The following PDE6D variants were observed in gnomAD, a reference collection of about 807,000 sequenced individuals.
The protein encoded by PDE6D is phosphodiesterase 6D, also known as retinal rod rhodopsin-sensitive cGMP 3',5'-cyclic phosphodiesterase subunit delta.
A neutral mutation model predicts 21.9 loss-of-function variants in PDE6D; 10 were observed. The ratio of observed to expected loss-of-function variants is 0.46; its 90% CI spans 0.28 to 0.78. The LOEUF is 0.78. PDE6D is among the 30% of genes least tolerant of loss of function. The pLI is 0.12. For missense variants in PDE6D, 139 were observed against 184.8 expected (o/e 0.75, Z 1.44); for synonymous variants, 59 against 63.5 (o/e 0.93, Z 0.34).
At chr2:231,766,784 G>T (rs1334523854) in intron 1 of PDE6D, among the ~76,000 whole-genome samples, 1 of 152,012 alleles carries the variant, frequency 6.6e-6, no homozygotes, top group Non-Finnish European at 1.5e-5. Context: ...TCTGAGGTCA[G>T]GGGGAGTTTG....
At position 231,733,009 on chromosome 2, in the gene PDE6D, CTT is replaced by C. The variant is rs777705791; in HGVS notation, c.394_395del (p.Lys132ValfsTer3). The C allele has an allele frequency of 6.2e-7, 1 of 1,611,390 alleles. No individual in the cohort carries two copies. The highest frequency in any genetic ancestry group is 8.5e-7 in the Non-Finnish European group (1 of 1,177,532). On this transcript the variant is annotated frameshift_variant, in exon 5 of 5. Coordinates refer to ENST00000287600, the MANE Select transcript of PDE6D (RefSeq NM_002601.4). LOFTEE classifies it high-confidence loss of function. ...TTACAAGAAGATCGTCGTCAAAAAA[CTT>C]TGTTTCTATGATAACGTTCCCACTG... ...VLTGNVIIET[K>X]FFDDDLLVST...
Position 231,755,920 on chromosome 2 carries a change from C to CA in PDE6D, c.51-16733dup, listed in dbSNP as rs201479123. On this transcript the variant is annotated intron_variant, in intron 1 of 4. Transcript: ENST00000287600. ...GGGTGACAAGAGCAAAACTCCATCT[C>CA]AAAAAAAAAAAATTATATATATAAA... Among the ~76,000 whole-genome samples the CA allele has an allele frequency of 6.7e-3, 936 of 140,390 alleles. 7 individuals are homozygous for CA. Among genetic ancestry groups the CA allele is most frequent in the African/African-American group, 0.018 (663 of 37,652 alleles). 92.1% of individuals were successfully genotyped at this position (140,390 alleles called of 152,430 possible). A position where few individuals can be genotyped will look rare whatever the true frequency, so the allele number is the denominator to read the frequency against.
intron 1 of PDE6D, among the ~76,000 whole-genome samples, chr2:231,770,816 G>A (rs2049009371): frequency 6.6e-6 from 1 of 152,052 alleles, no homozygotes; most frequent in Non-Finnish European, 1.5e-5. Flanking sequence ...AGCTGGGTGT[G>A]GTGGCAGGCG....
chr2:231,753,684 A>T (rs1384620144), intron 1 of PDE6D, among the ~76,000 whole-genome samples: 1 of 152,206 alleles, frequency 6.6e-6, no homozygotes, highest in Non-Finnish European at 1.5e-5. Flanking sequence ...TTAAATAACA[A>T]ATAAAAAATG....
intron 1 of PDE6D, among the ~76,000 whole-genome samples, chr2:231,751,853 T>C (rs2048842585): frequency 6.6e-6 from 1 of 152,194 alleles, no homozygotes; most frequent in Non-Finnish European, 1.5e-5. Context: ...TCTTCCATTG[T>C]GAAGTTACTC....
intron 1 of PDE6D, among the ~76,000 whole-genome samples, chr2:231,771,351 T>C (rs1004413175): frequency 3.3e-5 from 5 of 152,344 alleles, no homozygotes; most frequent in Non-Finnish European, 2.9e-5. Flanking sequence ...TGGTATACTG[T>C]AGAAAACATG....
intron 1 of PDE6D, among the ~76,000 whole-genome samples, chr2:231,762,891 G>A (rs963874130): frequency 6.6e-6 from 1 of 151,832 alleles, no homozygotes; most frequent in Admixed American, 6.6e-5. Flanking sequence ...CTGAGCCCAG[G>A]AGTTCAAGAC....
chr2:231,780,284 G>A (rs1036041682), intron 1 of PDE6D, among the ~76,000 whole-genome samples: 1 of 152,096 alleles, frequency 6.6e-6, no homozygotes, highest in Non-Finnish European at 1.5e-5. Flanking sequence ...TAACCGCACC[G>A]ACAGGAGCGA....
chr2:231,746,244 T>C (rs749514069), intron 1 of PDE6D, among the ~76,000 whole-genome samples: 1 of 152,078 alleles, frequency 6.6e-6, no homozygotes. Flanking sequence ...CAGGTTCAAG[T>C]GATTCTCCTG....
chr2:231,775,490 T>G (rs566968272), intron 1 of PDE6D, among the ~76,000 whole-genome samples: 9,175 of 148,814 alleles, frequency 0.062, 920 homozygotes, highest in African/African-American at 0.2. Flanking sequence ...TGTGTGTGTT[T>G]TTTTTTTTTT....
intron 1 of PDE6D, among the ~76,000 whole-genome samples, chr2:231,765,281 T>A (rs920500750): frequency 1.2e-4 from 18 of 145,762 alleles, no homozygotes; most frequent in South Asian, 4.3e-4. Context: ...TCAAAAAAAA[T>A]AAAAAATAAA....
At chr2:231,765,844 T>C (rs2048967078) in intron 1 of PDE6D, among the ~76,000 whole-genome samples, 1 of 152,176 alleles carries the variant, frequency 6.6e-6, no homozygotes, top group Non-Finnish European at 1.5e-5. Context: ...CTTTATGATC[T>C]CTCCCCTCTC....
At chr2:231,774,577 G>C (rs2049039737) in intron 1 of PDE6D, among the ~76,000 whole-genome samples, 1 of 150,726 alleles carries the variant, frequency 6.6e-6, no homozygotes, top group Admixed American at 6.7e-5. Context: ...TCAATGTTGT[G>C]AACACTGAAT....
intron 2 of PDE6D, among the ~76,000 whole-genome samples, chr2:231,738,534 T>C (rs2106261487): frequency 6.6e-6 from 1 of 152,278 alleles, no homozygotes; most frequent in South Asian, 2.1e-4. Flanking sequence ...GGAGAAAAAG[T>C]TGAGATCTTA....
At chr2:231,733,092 T>G in intron 4 of PDE6D, 59 bp from the exon 5 acceptor site, 1 of 1,168,878 alleles carries the variant, frequency 8.6e-7, no homozygotes, top group Non-Finnish European at 1.3e-6. Flanking sequence ...GCACAAGATT[T>G]CATTTCCACA....
chr2:231,752,585 G>A (rs2048848655), intron 1 of PDE6D, among the ~76,000 whole-genome samples: 1 of 151,966 alleles, frequency 6.6e-6, no homozygotes, highest in Non-Finnish European at 1.5e-5. Context: ...CTTCAAAAAG[G>A]AAAACACAAC....
intron 1 of PDE6D, among the ~76,000 whole-genome samples, chr2:231,761,892 C>T (rs1406246133): frequency 6.6e-6 from 1 of 152,222 alleles, no homozygotes; most frequent in African/African-American, 2.4e-5. Flanking sequence ...GGTCTGTTCA[C>T]ACTACATACC....
chr2:231,740,169 T>C (rs1239476585), intron 1 of PDE6D, among the ~76,000 whole-genome samples: 1 of 152,216 alleles, frequency 6.6e-6, no homozygotes, highest in Non-Finnish European at 1.5e-5. Flanking sequence ...GGTTAACTGA[T>C]GTTCTCTGTC....
chr2:231,747,673 C>T (rs934052312), intron 1 of PDE6D, among the ~76,000 whole-genome samples: 6 of 152,140 alleles, frequency 3.9e-5, no homozygotes, highest in African/African-American at 1.4e-4. Context: ...TTAAAAAAAT[C>T]GAGTTCTTTC....
Sources: allele counts gnomAD v4.1 joint callset (sites outside exome capture counted in the v4.1 genomes callset), GRCh38; gene constraint gnomAD v4.1.1; transcripts MANE v1.5; gene names NCBI Gene and HGNC (gene_info 2026-07-23, HGNC 2026-07-21).